The following GSTO2 variants were observed in gnomAD, a reference collection of about 807,000 sequenced individuals.
GSTO2 encodes the protein glutathione S-transferase omega 2.
A neutral mutation model predicts 28.4 loss-of-function variants in GSTO2; 23 were observed. That is an observed-to-expected ratio of 0.81 (90% CI 0.58 to 1.15). The LOEUF is 1.15. GSTO2 is among the 50% of genes most tolerant of loss of function. GSTO2 has a pLI of 0.00. For missense variants in GSTO2, 298 were observed against 297.8 expected, an observed-to-expected ratio of 1.00 and a Z score of 0.00; for synonymous variants, 109 against 111.0, an observed-to-expected ratio of 0.98 and a Z score of 0.11.
At chr10:104,285,660 G>T (rs1393094435) in intron 5 of GSTO2, among the ~76,000 whole-genome samples, 1 of 151,928 alleles carries the variant, frequency 6.6e-6, no homozygotes, top group Non-Finnish European at 1.5e-5. Context: ...TGGAGACGAG[G>T]TCTCACTATG....
chr10:104,279,537 G>A, intron 5 of GSTO2, 66 bp downstream of exon 5: 1 of 1,060,870 alleles, frequency 9.4e-7, no homozygotes, highest in Non-Finnish European at 1.5e-6. Flanking sequence ...CGCTAACCTG[G>A]TCACTCTAAC....
chr10:104,297,486 T>G (rs1276913919), intron 5 of GSTO2, 92 bp from the exon 6 acceptor site: 46 of 779,426 alleles, frequency 5.9e-5, no homozygotes, highest in Non-Finnish European at 9.5e-5. Context: ...GTTCTCCCTC[T>G]CTGGGAATTA....
Position 104,302,952 on chromosome 10 carries a change from C to T in GSTO2, c.*3668C>T, listed in dbSNP as rs754439830. 2 of 152,200 alleles carry T rather than the reference C, an allele frequency of 1.3e-5. No individual in the cohort carries two copies. Among genetic ancestry groups the T allele is most frequent in the East Asian group, 1.9e-4 (1 of 5,200 alleles). 9.4% of individuals were successfully genotyped at this position (152,200 alleles called of 1,614,324 possible). ...CCAATTAAACCTCTTTTTAAAAACACTTTTATTTTAAGTTCAGGGGTACAT... is the reference window on the plus strand; with the variant it reads ...CCAATTAAACCTCTTTTTAAAAACATTTTTATTTTAAGTTCAGGGGTACAT... On this transcript the variant is annotated 3_prime_UTR_variant, in exon 7 of 7. Transcript: ENST00000338595.
chr10:104,298,843 A>G (rs1414139101), intron 6 of GSTO2, among the ~76,000 whole-genome samples: 1 of 152,174 alleles, frequency 6.6e-6, no homozygotes, highest in East Asian at 1.9e-4. Flanking sequence ...TATATATATT[A>G]AAAAACAAAA....
At chr10:104,278,489 A>AT (rs965320478) in intron 4 of GSTO2, among the ~76,000 whole-genome samples, 35 of 150,850 alleles carry the variant, frequency 2.3e-4, no homozygotes, top group African/African-American at 5.8e-4. Context: ...CTTTTTTATT[A>AT]TTTTTTTTTT....
chr10:104,270,887 C>T (rs1987638757), intron 1 of GSTO2, among the ~76,000 whole-genome samples: 1 of 152,180 alleles, frequency 6.6e-6, no homozygotes, highest in Non-Finnish European at 1.5e-5. Flanking sequence ...TCTTTGGTGG[C>T]ATTATTTTCC....
chr10:104,285,895 T>C (rs1360068613), intron 5 of GSTO2: 6 of 297,984 alleles, frequency 2.0e-5, no homozygotes, highest in Non-Finnish European at 3.4e-5. Context: ...GATGAAATTA[T>C]TTATATATTG....
Position 104,274,934 on chromosome 10 carries a change from A to G in GSTO2, c.19A>G (p.Arg7Gly). 2 of 1,607,032 alleles carry G rather than the reference A, an allele frequency of 1.2e-6. No homozygotes were observed. Among genetic ancestry groups the G allele is most frequent in the East Asian group, 2.3e-5 (1 of 44,436 alleles). Residue 7 changes from arginine to glycine, a missense_variant, in exon 2 of 7, where the codon AGG becomes GGG. Arg to Gly is a moderately radical substitution (Grantham distance 125). Transcript: ENST00000338595. MSGDATRTLGKGSQPPG... is the reference protein window; with the variant it reads MSGDATGTLGKGSQPPG... ...GGAGACCATGTCTGGGGATGCGACC[A>G]GGACCCTGGGGAAAGGTGAGTGCTC...
intron 5 of GSTO2, among the ~76,000 whole-genome samples, chr10:104,283,052 T>C (rs1173358313): frequency 2.0e-5 from 3 of 152,238 alleles, no homozygotes; most frequent in Non-Finnish European, 4.4e-5. Flanking sequence ...GTGTAAACAC[T>C]TCCGTCAAGG....
At chr10:104,295,256 C>T (rs2012969545) in intron 5 of GSTO2, 1 of 152,198 alleles carries the variant, frequency 6.6e-6, no homozygotes, top group Non-Finnish European at 1.5e-5. Flanking sequence ...TGAGTTTTCA[C>T]TGGTCAGACC....
chr10:104,275,639 C>G (rs148014542), intron 3 of GSTO2, among the ~76,000 whole-genome samples: 3 of 152,276 alleles, frequency 2.0e-5, no homozygotes, highest in Non-Finnish European at 2.9e-5. Context: ...ACTACTGAGG[C>G]CTTACCTGAC....
At position 104,275,445 on chromosome 10, in the gene GSTO2, C is replaced by G; in HGVS notation, c.143+111C>G. 3.3e-6 allele frequency: 3 copies of G among 912,830 alleles called. No individual in the cohort carries two copies. In the South Asian group the frequency reaches 5.3e-5, roughly 16 times the overall value. The allele number at this position is 912,830 out of a possible 1,614,324, so 56.5% of individuals were successfully genotyped here. A position where few individuals can be genotyped will look rare whatever the true frequency, so the allele number is the denominator to read the frequency against. On this transcript the variant is annotated intron_variant, in intron 3 of 6. Transcript: ENST00000338595. ...AGCTTTTACAAGGGGCTCCCTGTCC[C>G]TTTTTTCGGAGGCAAAGTCAACAAA...
Position 104,274,821 on chromosome 10 carries a change from C to A in GSTO2, c.-95C>A. The A allele has an allele frequency of 6.8e-7, 1 of 1,469,160 alleles. No homozygotes were observed. The highest frequency in any genetic ancestry group is 2.0e-5 in the Admixed American group (1 of 51,022). The allele number at this position is 1,469,160 out of a possible 1,614,324, so 91.0% of individuals were successfully genotyped here. ...TTAAATTTGGGGCAAGGGGTGCGCG[C>A]CAGAGCGCAGCTGTTTCTGGAGCCT... is the stretch of plus-strand genomic sequence containing the variant. On this transcript the variant is annotated 5_prime_UTR_variant, in exon 2 of 7. Coordinates refer to ENST00000338595, the MANE Select transcript of GSTO2 (RefSeq NM_183239.2).
In GSTO2 at chr10:104,300,276, C is replaced by G. The variant is rs45526940; in HGVS notation, c.*992C>G. On this transcript the variant is annotated 3_prime_UTR_variant, in exon 7 of 7. Coordinates refer to ENST00000338595, the MANE Select transcript of GSTO2 (RefSeq NM_183239.2). ...GCATCCTGCCTTAAAAAAATACACA[C>G]GCCCCAAACCCAGCCACAAGCAAAG... The G allele has an allele frequency of 6.6e-6, 1 of 152,236 alleles. No homozygotes were observed. Among genetic ancestry groups the G allele is most frequent in the Non-Finnish European group, 1.5e-5 (1 of 68,054 alleles). The allele number at this position is 152,236 out of a possible 1,614,324, so 9.4% of individuals were successfully genotyped here.
intron 1 of GSTO2, among the ~76,000 whole-genome samples, chr10:104,272,218 C>CT (rs79392439): frequency 5.3e-5 from 8 of 151,866 alleles, no homozygotes; most frequent in Admixed American, 1.3e-4. Flanking sequence ...GAATCTAAAA[C>CT]TTTTTTTTAA....
Position 104,274,896 on chromosome 10 carries a change from G to A in GSTO2, c.-20G>A. 1 of 1,606,584 alleles carries A rather than the reference G, an allele frequency of 6.2e-7. No individual in the cohort carries two copies. Among genetic ancestry groups the A allele is most frequent in the Non-Finnish European group, 8.5e-7 (1 of 1,177,052 alleles). On this transcript the variant is annotated 5_prime_UTR_variant, in exon 2 of 7. Transcript: ENST00000338595. ...GCGGCGACCGTGAGCTCCGGGAGCT[G>A]CGCAAACCACCTGGAGACCATGTCT...
chr10:104,279,483 G>A lies in GSTO2; in HGVS notation c.468+12G>A. 1.3e-6 allele frequency: 2 copies of A among 1,591,510 alleles called. No individual in the cohort carries two copies. Among genetic ancestry groups the A allele is most frequent in the South Asian group, 1.1e-5 (1 of 90,584 alleles). On this transcript the variant is annotated intron_variant, in intron 5 of 6. Transcript: ENST00000338595. Reference sequence around the variant, plus strand: ...GCAACCTGGAAGAGGTACAAAAAGGGGTCCCTCTCCTGGTCAGCTACAGTG... The same window carrying A: ...GCAACCTGGAAGAGGTACAAAAAGGAGTCCCTCTCCTGGTCAGCTACAGTG...
chr10:104,287,832 T>G (rs1245822003), intron 5 of GSTO2, among the ~76,000 whole-genome samples: 2 of 151,390 alleles, frequency 1.3e-5, no homozygotes, highest in African/African-American at 2.4e-5. Context: ...TTTTTTTTAA[T>G]GATGGGAATG....
chr10:104,297,835 A>C, intron 6 of GSTO2, 151 bp downstream of exon 6: 1 of 569,410 alleles, frequency 1.8e-6, no homozygotes, highest in East Asian at 3.0e-5. Context: ...CTTGTTAAAA[A>C]CATATGTGCT....
Sources: gnomAD v4.1 joint callset for allele counts (sites outside exome capture counted in the v4.1 genomes callset) on GRCh38, gnomAD v4.1.1 for gene constraint, MANE v1.5 for transcripts, NCBI Gene and HGNC (gene_info 2026-07-23, HGNC 2026-07-21) for gene names.